Variants in CYTH3 observed in about 807,000 individuals in gnomAD.
CYTH3 encodes the protein cytohesin-3.
Under a neutral mutation model 55.1 loss-of-function variants are expected in CYTH3, and 23 were observed. That is an observed-to-expected ratio of 0.42 (90% CI 0.30 to 0.59). CYTH3 has a LOEUF of 0.59. Among genes scored for constraint, CYTH3 ranks in the 20% least tolerant of loss-of-function variants. The pLI is 0.20. For synonymous variants in CYTH3, 249 were observed against 194.9 expected, an observed-to-expected ratio of 1.28 and a Z score of -2.31; for missense variants, 413 against 524.8, an observed-to-expected ratio of 0.79 and a Z score of 2.08.
intron 1 of CYTH3, among the ~76,000 whole-genome samples, chr7:6,241,566 T>C (rs1264568886): frequency 6.6e-6 from 1 of 151,948 alleles, no homozygotes; most frequent in Non-Finnish European, 1.5e-5. Context: ...TTCTGAAAAT[T>C]TCTCTCTCAG....
chr7:6,230,093 C>A (rs1051776903), intron 1 of CYTH3, among the ~76,000 whole-genome samples: 2 of 152,034 alleles, frequency 1.3e-5, no homozygotes, highest in African/African-American at 4.8e-5. Context: ...AGAGATTATG[C>A]CACTGCACTC....
At chr7:6,245,684 C>T (rs1330991232) in intron 1 of CYTH3, among the ~76,000 whole-genome samples, 1 of 152,230 alleles carries the variant, frequency 6.6e-6, no homozygotes, top group Non-Finnish European at 1.5e-5. Context: ...GCAGGCGGAT[C>T]ACCTGAGATC....
In CYTH3 at chr7:6,169,248, T is replaced by C. The variant is rs1158630553; in HGVS notation, c.823+1287A>G. ...TGATGTTTATTTTTTTGAGACGAGG[T>C]CTCACTCTGTCGCCGAGGTGGGAGA... is the stretch of plus-strand genomic sequence containing the variant. On this transcript the variant is annotated intron_variant, in intron 9 of 12. Coordinates refer to ENST00000350796, the MANE Select transcript of CYTH3 (RefSeq NM_004227.4). The surrounding 1 kb of genome is among the most constrained non-coding windows in gnomAD (Gnocchi z 4.1). Among the ~76,000 whole-genome samples the C allele has an allele frequency of 6.6e-6, 1 of 152,064 alleles. No homozygotes were observed. Among genetic ancestry groups the C allele is most frequent in the Non-Finnish European group, 1.5e-5 (1 of 68,006 alleles).
At position 6,211,961 on chromosome 7, in the gene CYTH3, G is replaced by A. The variant is rs1023343837; in HGVS notation, c.35-21430C>T. ...AGATTGTGCCACTGCACTCCAGCCTGGGCGACAGAGTGAGACGCTGTCTCA... is the reference window on the plus strand; with the variant it reads ...AGATTGTGCCACTGCACTCCAGCCTAGGCGACAGAGTGAGACGCTGTCTCA... On this transcript the variant is annotated intron_variant, in intron 1 of 12. Transcript: ENST00000350796. 7.9e-5 allele frequency among the ~76,000 whole-genome samples: 12 copies of A among 152,206 alleles called. No homozygotes were observed. In the South Asian group the frequency reaches 8.3e-4, roughly 11 times the overall value.
chr7:6,179,254 A>G (rs1191797351), intron 4 of CYTH3, among the ~76,000 whole-genome samples: 1 of 152,166 alleles, frequency 6.6e-6, no homozygotes, highest in Non-Finnish European at 1.5e-5. Context: ...ATGGAGCAAA[A>G]GACGACACGG....
At chr7:6,185,643 T>A (rs1783623480) in intron 4 of CYTH3, among the ~76,000 whole-genome samples, 1 of 146,768 alleles carries the variant, frequency 6.8e-6, no homozygotes, top group Non-Finnish European at 1.5e-5. Context: ...GAGCTTGCGG[T>A]GGGCCGAGAT....
chr7:6,253,885 C>A (rs903762247), intron 1 of CYTH3, among the ~76,000 whole-genome samples: 2 of 126,852 alleles, frequency 1.6e-5, no homozygotes, highest in Non-Finnish European at 3.4e-5. Context: ...CCCAACTACT[C>A]GGGAGGGTGA....
At chr7:6,191,580 G>A (rs1263867835) in intron 1 of CYTH3, among the ~76,000 whole-genome samples, 3 of 149,008 alleles carry the variant, frequency 2.0e-5, no homozygotes, top group Admixed American at 6.8e-5. Context: ...TAATTTCAGG[G>A]TAGGGAAGGA....
intron 1 of CYTH3, among the ~76,000 whole-genome samples, chr7:6,240,454 T>C (rs1779645898): frequency 6.6e-6 from 1 of 152,088 alleles, no homozygotes; most frequent in Non-Finnish European, 1.5e-5. Context: ...TAACCCTAAC[T>C]GATACTAAAA....
chr7:6,191,690 G>T (rs1041657310), intron 1 of CYTH3, among the ~76,000 whole-genome samples: 4 of 150,412 alleles, frequency 2.7e-5, no homozygotes, highest in Non-Finnish European at 4.4e-5. Flanking sequence ...CCGTCTCCTG[G>T]GTTCACTGCA....
chr7:6,179,756 C>A (rs1783446336), intron 4 of CYTH3, among the ~76,000 whole-genome samples: 1 of 126,756 alleles, frequency 7.9e-6, no homozygotes, highest in Non-Finnish European at 1.7e-5. Flanking sequence ...ACCCCACACC[C>A]CCACCACACA....
intron 1 of CYTH3, among the ~76,000 whole-genome samples, chr7:6,206,677 G>A (rs147645293): frequency 6.6e-6 from 1 of 152,204 alleles, no homozygotes; most frequent in Non-Finnish European, 1.5e-5. Flanking sequence ...AAGAAGGGAA[G>A]AATTTCCTGA....
At chr7:6,185,850 G>A (rs1329507870) in intron 4 of CYTH3, among the ~76,000 whole-genome samples, 2 of 152,038 alleles carry the variant, frequency 1.3e-5, no homozygotes, top group Non-Finnish European at 2.9e-5. Flanking sequence ...CTTAGACCTT[G>A]TACAATGGAA....
At chr7:6,207,372 G>C (rs761324822) in intron 1 of CYTH3, among the ~76,000 whole-genome samples, 30 of 152,100 alleles carry the variant, frequency 2.0e-4, no homozygotes, top group Non-Finnish European at 3.1e-4. Flanking sequence ...GGGACTACAG[G>C]CGTGAGCTGC....
chr7:6,263,261 G>C (rs1780400215), intron 1 of CYTH3, among the ~76,000 whole-genome samples: 1 of 152,162 alleles, frequency 6.6e-6, no homozygotes, highest in Admixed American at 6.5e-5. Context: ...CCATGAGATA[G>C]GTAAATATTT....
At chr7:6,190,622 T>C (rs1184596208) in intron 1 of CYTH3, 91 bp from the exon 2 acceptor site, 1 of 941,476 alleles carries the variant, frequency 1.1e-6, no homozygotes, top group Non-Finnish European at 1.5e-6. Flanking sequence ...CACCCAGCAA[T>C]TCCATACGCA....
chr7:6,202,002 C>G (rs1424922437), intron 1 of CYTH3, among the ~76,000 whole-genome samples: 2 of 152,102 alleles, frequency 1.3e-5, no homozygotes, highest in South Asian at 4.1e-4. Context: ...TGATCTTTAC[C>G]ATGGTAGACA....
At chr7:6,179,895 CCCACACACAACCACACACACACA>C (rs1562881775) in intron 4 of CYTH3, among the ~76,000 whole-genome samples, 3 of 119,570 alleles carry the variant, frequency 2.5e-5, no homozygotes, top group African/African-American at 6.8e-5. Flanking sequence ...ACCACACACA[CCCACACACAACCACACACACACA>C]AACCACACAC....
chr7:6,244,431 AG>A (rs1159144162), intron 1 of CYTH3, among the ~76,000 whole-genome samples: 1 of 152,220 alleles, frequency 6.6e-6, no homozygotes, highest in Non-Finnish European at 1.5e-5. Context: ...ACAAACTGAA[AG>A]GAAAAAGACC....
Sources: gnomAD v4.1 joint callset for allele counts (sites outside exome capture counted in the v4.1 genomes callset) on GRCh38, gnomAD v4.1.1 for gene constraint, Gnocchi (gnomAD v3.1) non-coding constraint, MANE v1.5 for transcripts, NCBI Gene and HGNC (gene_info 2026-07-23, HGNC 2026-07-21) for gene names.